The following MARS1 variants were observed in gnomAD, a reference collection of about 807,000 sequenced individuals.
MARS1 encodes methionine--tRNA ligase, cytoplasmic.
Under a neutral mutation model 119.5 loss-of-function variants are expected in MARS1, and 80 were observed. That is an observed-to-expected ratio of 0.67 (90% CI 0.56 to 0.81). The LOEUF (loss-of-function observed/expected upper bound fraction) is 0.81, where lower values mean the gene tolerates loss of function less well. Ranked by LOEUF, MARS1 falls within the 30% of genes least tolerant of loss-of-function variation. The pLI, the probability that MARS1 is intolerant of heterozygous loss-of-function variation, is 0.00. For synonymous variants in MARS1, 418 were observed against 433.4 expected, an observed-to-expected ratio of 0.96 and a Z score of 0.44; for missense variants, 945 against 1,116.5, an observed-to-expected ratio of 0.85 and a Z score of 2.19.
chr12:57,497,258 C>G (rs557422338), intron 7 of MARS1, among the ~76,000 whole-genome samples: 1 of 152,216 alleles, frequency 6.6e-6, no homozygotes, highest in East Asian at 1.9e-4. Flanking sequence ...GTGATGGATG[C>G]ACAAGAAATT....
rs145292793 is a variant in MARS1 at position 57,489,513 on chromosome 12, C to T, written c.369C>T (p.His123=). Residue 123 remains histidine (H), a synonymous_variant, in exon 4 of 21, where the codon CAC becomes CAT. Coordinates refer to ENST00000262027, the MANE Select transcript of MARS1 (RefSeq NM_004990.4). ...VLGSVRRALT[H]IDHSLSRQNC... is the part of the protein sequence containing the mutation. ...GTTCAGTGCGGAGAGCCCTGACTCA[C>T]ATTGACCACAGCTTGAGTCGTCAGA... 81 of 1,614,152 alleles carry T rather than the reference C, an allele frequency of 5.0e-5. No individual in the cohort carries two copies. In the African/African-American group the frequency reaches 9.7e-4, roughly 19 times the overall value.
intron 1 of MARS1, chr12:57,488,423 C>G (rs1875632273): frequency 1.2e-6 from 1 of 803,258 alleles, no homozygotes. Context: ...CTCTCCTCCC[C>G]TCTTCCGTCT....
intron 18 of MARS1, 24 bp from the exon 19 acceptor site, chr12:57,515,895 TG>T (rs1877785095): frequency 6.3e-6 from 10 of 1,587,870 alleles, no homozygotes; most frequent in Non-Finnish European, 7.8e-6. Flanking sequence ...AATCAGTAGA[TG>T]ATTCTGGAAC....
chr12:57,492,718 C>T (rs917214981), intron 7 of MARS1, among the ~76,000 whole-genome samples: 1 of 148,342 alleles, frequency 6.7e-6, no homozygotes, highest in African/African-American at 2.5e-5. Flanking sequence ...CACACACAGA[C>T]GTAAACAAAT....
chr12:57,506,566 C>T (rs1466062151), intron 11 of MARS1, among the ~76,000 whole-genome samples: 1 of 152,186 alleles, frequency 6.6e-6, no homozygotes, highest in East Asian at 1.9e-4. Flanking sequence ...ACGTGATGGC[C>T]ATCCCCTTCA....
At position 57,514,766 on chromosome 12, in the gene MARS1, A is replaced by G; in HGVS notation, c.2014A>G (p.Met672Val). 1.2e-6 allele frequency: 2 copies of G among 1,614,176 alleles called. No homozygotes were observed. Among genetic ancestry groups the G allele is most frequent in the Non-Finnish European group, 1.7e-6 (2 of 1,180,036 alleles). The change falls in exon 16 of 21, where the codon ATG becomes GTG. Residue 672 changes from methionine to valine, a missense_variant. Met to Val is a conservative substitution (Grantham distance 21). Transcript: ENST00000262027. ...GTTCTTTGGGGGCTATGTGCCTGAGATGGTGCTCACCCCTGATGATCAGCG... is the reference window on the plus strand; with the variant it reads ...GTTCTTTGGGGGCTATGTGCCTGAGGTGGTGCTCACCCCTGATGATCAGCG... Reference protein sequence around the residue: ...SKFFGGYVPEMVLTPDDQRLL... With the variant: ...SKFFGGYVPEVVLTPDDQRLL...
chr12:57,515,616 T>C (rs1877765247), intron 18 of MARS1: 2 of 563,794 alleles, frequency 3.5e-6, no homozygotes, highest in Admixed American at 3.4e-5. Context: ...TAGCAGATAG[T>C]GGGCAGGGAA....
At chr12:57,507,570 G>A (rs1367039212) in intron 11 of MARS1, among the ~76,000 whole-genome samples, 2 of 140,160 alleles carry the variant, frequency 1.4e-5, no homozygotes, top group African/African-American at 2.7e-5. Context: ...GGGCAGAGGC[G>A]CCCCTCACCT....
chr12:57,501,017 CAG>C (rs1876892902), intron 10 of MARS1, among the ~76,000 whole-genome samples: 1 of 152,306 alleles, frequency 6.6e-6, no homozygotes, highest in South Asian at 2.1e-4. Context: ...GAAAATGTGA[CAG>C]AGAGTGACTT....
At position 57,489,838 on chromosome 12, in the gene MARS1, T is replaced by C. The variant is rs368883655; in HGVS notation, c.415-58T>C. ...GCTCAGTAAATGTTAGATATTACCATTGGGAAGAAACTGAGTGTCTCATTT... is the reference window on the plus strand; with the variant it reads ...GCTCAGTAAATGTTAGATATTACCACTGGGAAGAAACTGAGTGTCTCATTT... On this transcript the variant is annotated intron_variant, in intron 4 of 20. Transcript: ENST00000262027. The C allele has an allele frequency of 6.8e-6, 10 of 1,472,554 alleles. No homozygotes were observed. The African/African-American group carries it at 8.3e-5, about 12-fold the overall frequency. The allele number at this position is 1,472,554 out of a possible 1,614,324, so 91.2% of individuals were successfully genotyped here.
chr12:57,510,248 C>A (rs1373345589), intron 11 of MARS1, among the ~76,000 whole-genome samples: 2 of 151,490 alleles, frequency 1.3e-5, no homozygotes, highest in Non-Finnish European at 2.9e-5. Flanking sequence ...CCAAGGCAGG[C>A]GGATCATGAG....
chr12:57,489,471 G>A lies in MARS1; in HGVS notation c.327G>A (p.Lys109=). ...ALYYLVVQGK[K]GEDVLGSVRR... is the part of the protein sequence containing the mutation. Reference sequence around the variant, plus strand: ...ACTATTTAGTGGTCCAAGGCAAGAAGGGGGAAGATGTTCTTGGTTCAGTGC... The same window carrying A: ...ACTATTTAGTGGTCCAAGGCAAGAAAGGGGAAGATGTTCTTGGTTCAGTGC... The change falls in exon 4 of 21, where the codon AAG becomes AAA. Residue 109 remains lysine, a synonymous_variant. Coordinates refer to ENST00000262027, the MANE Select transcript of MARS1 (RefSeq NM_004990.4). The A allele has an allele frequency of 6.2e-7, 1 of 1,614,172 alleles. No individual in the cohort carries two copies. The highest frequency in any genetic ancestry group is 1.1e-5 in the South Asian group (1 of 91,086).
At chr12:57,494,551 G>A (rs1006144860) in intron 7 of MARS1, among the ~76,000 whole-genome samples, 17 of 145,810 alleles carry the variant, frequency 1.2e-4, no homozygotes, top group Non-Finnish European at 1.9e-4. Context: ...GGTGTTTCTC[G>A]GAGAGGGGGA....
intron 15 of MARS1, among the ~76,000 whole-genome samples, chr12:57,514,059 C>CA (rs1194856541): frequency 0.025 from 1,424 of 56,702 alleles, 21 homozygotes; most frequent in East Asian, 0.14. Flanking sequence ...TGAGAATCCT[C>CA]AAAAAAAAAA....
intron 7 of MARS1, among the ~76,000 whole-genome samples, chr12:57,497,671 G>A (rs1034861910): frequency 1.3e-5 from 2 of 152,090 alleles, no homozygotes; most frequent in African/African-American, 4.8e-5. Flanking sequence ...TTAGAGAGTC[G>A]GTACAAAAGG....
rs1403565281 is a variant in MARS1 at position 57,515,954 on chromosome 12, A to G, written c.2426A>G (p.Gln809Arg). Residue 809 changes from glutamine to arginine, a missense_variant, in exon 19 of 21, where the codon CAG becomes CGG. Coordinates refer to ENST00000262027, the MANE Select transcript of MARS1 (RefSeq NM_004990.4). ...TTGTTCCAAAAATTGGAAAATGACC[A>G]GATTGAAAGTTTAAGGCAGCGCTTT... ...SPLFQKLEND[Q>R]IESLRQRFGG... The G allele has an allele frequency of 6.2e-7, 1 of 1,614,150 alleles. No individual in the cohort carries two copies. Among genetic ancestry groups the G allele is most frequent in the South Asian group, 1.1e-5 (1 of 91,074 alleles).
intron 11 of MARS1, among the ~76,000 whole-genome samples, chr12:57,508,653 AAG>A (rs1312503366): frequency 5.3e-5 from 8 of 149,832 alleles, no homozygotes; most frequent in South Asian, 2.1e-4. Context: ...AGACCGTGGA[AAG>A]AGAGGGAGAG....
At chr12:57,514,613 A>G (rs2140036784) in intron 15 of MARS1, 107 bp from the exon 16 acceptor site, 11 of 1,411,780 alleles carry the variant, frequency 7.8e-6, no homozygotes, top group Non-Finnish European at 9.9e-6. Flanking sequence ...CCAGGCAGGA[A>G]TCCTGAGAGA....
chr12:57,492,974 C>T (rs1325718787), intron 7 of MARS1, among the ~76,000 whole-genome samples: 1 of 152,006 alleles, frequency 6.6e-6, no homozygotes, highest in Non-Finnish European at 1.5e-5. Context: ...TTTATGCATA[C>T]TGTTCCTTCT....
Sources: gnomAD v4.1 joint callset for allele counts (sites outside exome capture counted in the v4.1 genomes callset) on GRCh38, gnomAD v4.1.1 for gene constraint, MANE v1.5 for transcripts, NCBI Gene and HGNC (gene_info 2026-07-23, HGNC 2026-07-21) for gene names.